CCDC7: variants seen among roughly 807,000 people sequenced by gnomAD.
CCDC7 encodes the protein coiled-coil domain containing 7, also known as coiled-coil domain-containing protein 7.
Under a neutral mutation model 196.9 loss-of-function variants are expected in CCDC7, and 183 were observed. The ratio of observed to expected loss-of-function variants is 0.93; its 90% CI spans 0.82 to 1.05. CCDC7 has a LOEUF of 1.05. Among genes scored for constraint, CCDC7 ranks in the 50% least tolerant of loss-of-function variants. CCDC7 has a pLI of 0.00. For synonymous variants in CCDC7, 525 were observed against 484.6 expected (o/e 1.08, Z -1.10); for missense variants, 1,540 against 1,482.2 (o/e 1.04, Z -0.64).
At chr10:32,576,308 AAAAAAAAAAAG>A (rs932899188) in intron 16 of CCDC7, among the ~76,000 whole-genome samples, 2 of 151,788 alleles carry the variant, frequency 1.3e-5, no homozygotes, top group Non-Finnish European at 2.9e-5. Context: ...GGGTTAAAAA[AAAAAAAAAAAG>A]AAAAGGAGTA....
chr10:32,505,613 CTT>C (rs1202174970), intron 9 of CCDC7, among the ~76,000 whole-genome samples: 1 of 145,540 alleles, frequency 6.9e-6, no homozygotes, highest in Admixed American at 7.0e-5. Flanking sequence ...TCTGATCTCT[CTT>C]TCTTTTCCCC....
intron 4 of CCDC7, 95 bp downstream of exon 5, chr10:32,462,798 G>T: frequency 7.7e-7 from 1 of 1,301,194 alleles, no homozygotes; most frequent in South Asian, 1.5e-5. Context: ...GGGAGTAGAA[G>T]GAATTCCATA....
Position 32,793,981 on chromosome 10 carries a change from G to A in CCDC7, c.3014-11034G>A, listed in dbSNP as rs187042587. On this transcript the variant is annotated intron_variant, in intron 29 of 41. Coordinates refer to ENST00000639629, the Ensembl canonical transcript of CCDC7. ...TTCCTGTTTTTCTACTTTTATATTA[G>A]GTTCAGGGTATATGTGGAGGTTTGT... Among the ~76,000 whole-genome samples, 4 of 152,180 alleles carry A rather than the reference G, an allele frequency of 2.6e-5. 1 individual carries two copies. Among genetic ancestry groups the A allele is most frequent in the Admixed American group, 2.6e-4 (4 of 15,284 alleles).
chr10:32,571,807 C>T, intron 15 of CCDC7, 52 bp from the exon 17 acceptor site: 1 of 1,464,746 alleles, frequency 6.8e-7, no homozygotes, highest in East Asian at 2.6e-5. Context: ...TGACTGTAAA[C>T]ATTTCATATG....
rs973214310 is a variant in CCDC7 at position 32,634,348 on chromosome 10, T to G, written c.1896T>G (p.Ser632Arg). The change falls in exon 19 of 42, where the codon AGT becomes AGG. Residue 632 changes from serine (S) to arginine (R), a missense_variant. Coordinates refer to ENST00000639629, the Ensembl canonical transcript of CCDC7. ...AACAAATGAAACAAAGAACTTCTAG[T>G]ATGGAAAGACATGAGGGTAAGTATA... 3.5e-6 allele frequency: 4 copies of G among 1,152,542 alleles called. No individual in the cohort carries two copies. The African/African-American group carries it at 4.8e-5, about 14-fold the overall frequency. The allele number at this position is 1,152,542 out of a possible 1,614,324, so 71.4% of individuals were successfully genotyped here.
intron 21 of CCDC7, among the ~76,000 whole-genome samples, chr10:32,664,825 A>G (rs1224830780): frequency 6.6e-6 from 1 of 152,074 alleles, no homozygotes; most frequent in African/African-American, 2.4e-5. Context: ...CTTTGGAGGT[A>G]CATCCAGAGG....
At chr10:32,476,719 T>A (rs1016451832) in intron 8 of CCDC7, among the ~76,000 whole-genome samples, 12 of 152,260 alleles carry the variant, frequency 7.9e-5, no homozygotes, top group Non-Finnish European at 1.0e-4. Context: ...TTTGTCAGCA[T>A]TTAGAATTGA....
At chr10:32,564,677 A>G (rs61856043) in intron 13 of CCDC7, among the ~76,000 whole-genome samples, 1 of 152,052 alleles carries the variant, frequency 6.6e-6, no homozygotes, top group South Asian at 2.1e-4. Flanking sequence ...GGGAGGGATA[A>G]CATTAGGAGA....
chr10:32,779,175 C>G, intron 29 of CCDC7, 91 bp downstream of exon 30: 1 of 932,762 alleles, frequency 1.1e-6, no homozygotes, highest in South Asian at 2.0e-5. Context: ...ACAGGAAATT[C>G]AAAGAAGGAG....
chr10:32,743,503 G>A (rs2074143953), intron 28 of CCDC7, among the ~76,000 whole-genome samples: 1 of 152,152 alleles, frequency 6.6e-6, no homozygotes, highest in Non-Finnish European at 1.5e-5. Flanking sequence ...CAACGGTATT[G>A]CCTAGGTTTT....
chr10:32,457,509 T>C (rs2034616181), intron 3 of CCDC7, among the ~76,000 whole-genome samples: 1 of 152,222 alleles, frequency 6.6e-6, no homozygotes, highest in Non-Finnish European at 1.5e-5. Flanking sequence ...CAGATGTCTC[T>C]TCAGTGTACT....
intron 9 of CCDC7, among the ~76,000 whole-genome samples, chr10:32,508,607 G>T (rs1242693883): frequency 6.6e-6 from 1 of 152,074 alleles, no homozygotes; most frequent in Non-Finnish European, 1.5e-5. Flanking sequence ...GAGTAGTAAG[G>T]CTGGAAGCAC....
At chr10:32,667,734 G>A (rs924558271) in intron 21 of CCDC7, among the ~76,000 whole-genome samples, 34 of 152,130 alleles carry the variant, frequency 2.2e-4, no homozygotes, top group Non-Finnish European at 1.0e-4. Context: ...CCATATCTCT[G>A]TTTTGGTACC....
At chr10:32,737,554 T>A (rs1218145664) in intron 28 of CCDC7, among the ~76,000 whole-genome samples, 2 of 152,194 alleles carry the variant, frequency 1.3e-5, no homozygotes, top group South Asian at 4.1e-4. Context: ...TGATTGGTGA[T>A]GTGCTAAGTT....
chr10:32,623,079 T>C (rs2063583549), intron 18 of CCDC7, among the ~76,000 whole-genome samples: 1 of 152,182 alleles, frequency 6.6e-6, no homozygotes, highest in African/African-American at 2.4e-5. Context: ...CAGCGTCCCC[T>C]ACATATCAGG....
chr10:32,805,919 G>A (rs960762257), intron 30 of CCDC7, among the ~76,000 whole-genome samples: 3 of 152,194 alleles, frequency 2.0e-5, no homozygotes, highest in Non-Finnish European at 1.5e-5. Flanking sequence ...AGGCCTCAGG[G>A]CGCTTTTACT....
At position 32,559,662 on chromosome 10, in the gene CCDC7, A is replaced by C. The variant is rs182872430; in HGVS notation, c.1135-5896A>C. 8.4e-3 allele frequency among the ~76,000 whole-genome samples: 1,278 copies of C among 152,248 alleles called. 28 individuals carry two copies. The highest frequency in any genetic ancestry group is 0.028 in the African/African-American group (1,177 of 41,544). On this transcript the variant is annotated intron_variant, in intron 13 of 41. Transcript: ENST00000639629. ...AACACAAAGGACATCCACACCAAAA[A>C]CCCATCTGTATGTCACCATCATCAA...
chr10:32,667,437 C>T (rs947316326), intron 21 of CCDC7, among the ~76,000 whole-genome samples: 10 of 152,150 alleles, frequency 6.6e-5, no homozygotes, highest in Admixed American at 5.9e-4. Flanking sequence ...GACATGAAGT[C>T]TTTACCCATG....
chr10:32,867,869 G>A (rs1231658067), intron 41 of CCDC7, among the ~76,000 whole-genome samples: 1 of 151,660 alleles, frequency 6.6e-6, no homozygotes, highest in East Asian at 1.9e-4. Context: ...TCTACCTCCA[G>A]AACGTTTTTT....
Sources: gnomAD v4.1 joint callset for allele counts (sites outside exome capture counted in the v4.1 genomes callset) on GRCh38, gnomAD v4.1.1 for gene constraint, MANE v1.5 for transcripts, NCBI Gene and HGNC (gene_info 2026-07-23, HGNC 2026-07-21) for gene names.